Variants in NAV2 observed in about 807,000 individuals in gnomAD.
The protein encoded by NAV2 is helicase, APC down-regulated 1.
In NAV2, 54 loss-of-function variants were observed where a neutral mutation model predicts 223.2. The observed-to-expected ratio is 0.24, with a 90% CI of 0.19 to 0.30. NAV2 has a LOEUF of 0.30. Among genes scored for constraint, NAV2 ranks in the 10% least tolerant of loss-of-function variants. The probability of loss-of-function intolerance (pLI) is 1.00; values close to 1 mark genes in which losing one functional copy is unlikely to be tolerated. For missense variants in NAV2, 2,806 were observed against 3,147.5 expected, an observed-to-expected ratio of 0.89 and a Z score of 2.60; for synonymous variants, 1,279 against 1,239.3, an observed-to-expected ratio of 1.03 and a Z score of -0.67.
chr11:19,807,147 G>A (rs955858901), intron 1 of NAV2, among the ~76,000 whole-genome samples: 11 of 152,344 alleles, frequency 7.2e-5, no homozygotes, highest in Admixed American at 3.9e-4. Context: ...GGGTAAATGC[G>A]TTAGCAACCC....
At chr11:19,774,388 T>C (rs146452456) in intron 1 of NAV2, among the ~76,000 whole-genome samples, 129 of 152,332 alleles carry the variant, frequency 8.5e-4, no homozygotes, top group African/African-American at 3.0e-3. Flanking sequence ...TGTTGTTCAG[T>C]CTGGTCTTGA....
chr11:19,600,426 C>T (rs898403623), intron 1 of NAV2, among the ~76,000 whole-genome samples: 1 of 152,226 alleles, frequency 6.6e-6, no homozygotes, highest in Non-Finnish European at 1.5e-5. Context: ...ACATTGTGTG[C>T]ACTGGATAAA....
intron 1 of NAV2, chr11:19,505,830 G>A (rs1487206): frequency 0.93 from 142,189 of 152,260 alleles, 67,163 homozygotes; most frequent in East Asian, 1. Flanking sequence ...AAAATTGAAA[G>A]TGAGATGTTT....
At chr11:19,388,630 G>A (rs1849132556) in intron 1 of NAV2, among the ~76,000 whole-genome samples, 1 of 152,214 alleles carries the variant, frequency 6.6e-6, no homozygotes, top group Non-Finnish European at 1.5e-5. Context: ...GGTGGGTTTG[G>A]AGAAGGTGCT....
At chr11:19,968,677 G>A (rs555476245) in intron 10 of NAV2, among the ~76,000 whole-genome samples, 1 of 152,306 alleles carries the variant, frequency 6.6e-6, no homozygotes, top group Non-Finnish European at 1.5e-5. Flanking sequence ...GTTTGAACAA[G>A]TTAAAGAGTG....
intron 11 of NAV2, among the ~76,000 whole-genome samples, chr11:20,013,596 G>A (rs1014201143): frequency 2.6e-5 from 4 of 152,174 alleles, no homozygotes; most frequent in African/African-American, 9.6e-5. Flanking sequence ...CAAAGCTAAG[G>A]TATAGAACAG....
chr11:19,832,329 G>A (rs1045566306), intron 1 of NAV2, among the ~76,000 whole-genome samples, 155 bp from the exon 2 acceptor site: 3 of 152,352 alleles, frequency 2.0e-5, no homozygotes, highest in Non-Finnish European at 2.9e-5. Context: ...AGCTGAATGC[G>A]TGATCAGCAC....
upstream of NAV2, among the ~76,000 whole-genome samples, chr11:19,349,573 C>T (rs1189131835): frequency 1.3e-5 from 2 of 152,150 alleles, no homozygotes; most frequent in Non-Finnish European, 2.9e-5. Context: ...TGTAGAATGG[C>T]TAGTGCGTTC....
intron 6 of NAV2, among the ~76,000 whole-genome samples, chr11:19,909,498 G>C (rs2043139012): frequency 6.6e-6 from 1 of 152,204 alleles, no homozygotes; most frequent in South Asian, 2.1e-4. Context: ...GTAACTTTGA[G>C]TTGTCAATTG....
At position 20,093,089 on chromosome 11, in the gene NAV2, C is replaced by G; in HGVS notation, c.5816-10C>G. On this transcript the variant is annotated splice_polypyrimidine_tract_variant and intron_variant, in intron 28 of 37. Transcript: ENST00000349880. The stretch of plus-strand genomic sequence containing the variant: ...ATGTGCCTAAGGCTGTTGATGTTTT[C>G]CATTCGCAGACATGTTGCTGGATGA... 6.2e-7 allele frequency: 1 copy of G among 1,601,678 alleles called. No individual in the cohort carries two copies. Among genetic ancestry groups the G allele is most frequent in the Non-Finnish European group, 8.5e-7 (1 of 1,171,782 alleles).
chr11:19,545,589 G>A (rs1297072308), intron 1 of NAV2, among the ~76,000 whole-genome samples: 1 of 152,080 alleles, frequency 6.6e-6, no homozygotes, highest in African/African-American at 2.4e-5. Context: ...TCAGGAAAGT[G>A]GTAGTGCATT....
At chr11:19,546,741 T>A (rs1442778839) in intron 1 of NAV2, among the ~76,000 whole-genome samples, 1 of 152,146 alleles carries the variant, frequency 6.6e-6, no homozygotes, top group Non-Finnish European at 1.5e-5. Context: ...AATGTAACCG[T>A]TTTAGTGTTT....
At chr11:19,869,654 T>G (rs2062342863) in intron 4 of NAV2, among the ~76,000 whole-genome samples, 1 of 152,192 alleles carries the variant, frequency 6.6e-6, no homozygotes, top group Non-Finnish European at 1.5e-5. Flanking sequence ...TACAAGCAGC[T>G]GCCAGCTCAG....
At chr11:19,863,842 A>G (rs563983514) in intron 3 of NAV2, among the ~76,000 whole-genome samples, 1 of 152,322 alleles carries the variant, frequency 6.6e-6, no homozygotes, top group Admixed American at 6.5e-5. Flanking sequence ...ATTCACCACT[A>G]TATACTCAAC....
intron 1 of NAV2, among the ~76,000 whole-genome samples, chr11:19,810,498 C>A: frequency 6.6e-6 from 1 of 152,308 alleles, no homozygotes; most frequent in Non-Finnish European, 1.5e-5. Flanking sequence ...AGGATATGTA[C>A]ACGTATCTAC....
chr11:19,805,911 CA>C (rs2058533904), intron 1 of NAV2, among the ~76,000 whole-genome samples: 1 of 152,206 alleles, frequency 6.6e-6, no homozygotes, highest in South Asian at 2.1e-4. Context: ...AGCCAGAATT[CA>C]AACCGACTTC....
intron 3 of NAV2, among the ~76,000 whole-genome samples, chr11:19,860,051 C>CCCAACTCCCTCCCGGATGGGGCGG (rs2061636652): frequency 8.0e-6 from 1 of 125,508 alleles, no homozygotes; most frequent in African/African-American, 3.1e-5. Context: ...GCTGACCCCC[C>CCCAACTCCCTCCCGGATGGGGCGG]CCAACTCCCT....
chr11:19,644,401 T>C (rs557728410), intron 1 of NAV2, among the ~76,000 whole-genome samples: 1 of 152,360 alleles, frequency 6.6e-6, no homozygotes, highest in South Asian at 2.1e-4. Context: ...GCGAGAAGCC[T>C]TTGTTCCTAT....
intron 1 of NAV2, among the ~76,000 whole-genome samples, chr11:19,794,760 C>CT (rs1317672010): frequency 6.6e-6 from 1 of 152,144 alleles, no homozygotes; most frequent in Non-Finnish European, 1.5e-5. Context: ...TGCCAACCTC[C>CT]TTTCCCTCAC....
Sources: gnomAD v4.1 joint callset for allele counts (sites outside exome capture counted in the v4.1 genomes callset) on GRCh38, gnomAD v4.1.1 for gene constraint, MANE v1.5 for transcripts, NCBI Gene and HGNC (gene_info 2026-07-23, HGNC 2026-07-21) for gene names.